The following CCDC30 variants were observed in gnomAD, a reference collection of about 807,000 sequenced individuals.
The protein encoded by CCDC30 is coiled-coil domain containing 30, also known as coiled-coil domain-containing protein 30.
Under a neutral mutation model 100.2 loss-of-function variants are expected in CCDC30, and 70 were observed. That is an observed-to-expected ratio of 0.70 (90% confidence interval 0.58 to 0.85). CCDC30 has a LOEUF of 0.85. Among genes scored for constraint, CCDC30 ranks in the 40% least tolerant of loss-of-function variants. CCDC30 has a pLI of 0.00. For synonymous variants in CCDC30, 233 were observed against 269.5 expected, an observed-to-expected ratio of 0.86 and a Z score of 1.33; for missense variants, 652 against 771.2, an observed-to-expected ratio of 0.85 and a Z score of 1.83.
intron 3 of CCDC30, among the ~76,000 whole-genome samples, chr1:42,488,565 C>A (rs1179586446): frequency 6.6e-6 from 1 of 152,146 alleles, no homozygotes; most frequent in African/African-American, 2.4e-5. Context: ...CATGCCTCAG[C>A]CTCCCAAGTG....
chr1:42,611,659 A>G (rs1646627198), intron 11 of CCDC30, among the ~76,000 whole-genome samples: 1 of 151,988 alleles, frequency 6.6e-6, no homozygotes, highest in Admixed American at 6.6e-5. Flanking sequence ...CATTTTACAT[A>G]TAATGAAACA....
At chr1:42,594,343 TACAAA>T (rs1012189933) in intron 10 of CCDC30, 2 of 152,020 alleles carry the variant, frequency 1.3e-5, no homozygotes, top group Non-Finnish European at 2.9e-5. Context: ...ACCCTGTCTC[TACAAA>T]ACAAAATTTT....
intron 6 of CCDC30, among the ~76,000 whole-genome samples, chr1:42,514,896 A>C (rs1287392646): frequency 6.6e-6 from 1 of 152,108 alleles, no homozygotes; most frequent in East Asian, 1.9e-4. Context: ...CAGGTGATCC[A>C]CACACCTTGG....
intron 10 of CCDC30, chr1:42,595,350 C>A (rs1646265442): frequency 6.6e-6 from 1 of 152,156 alleles, no homozygotes; most frequent in Non-Finnish European, 1.5e-5. Flanking sequence ...AATTCGAGAC[C>A]AGCCTGGCCA....
At chr1:42,632,112 CA>C (rs977186988) in intron 11 of CCDC30, among the ~76,000 whole-genome samples, 15 of 152,334 alleles carry the variant, frequency 9.8e-5, no homozygotes, top group African/African-American at 3.4e-4. Flanking sequence ...CTCAGAGTCT[CA>C]CCCAAGGCCC....
intron 10 of CCDC30, among the ~76,000 whole-genome samples, chr1:42,606,784 C>A (rs1410670689): frequency 6.6e-6 from 1 of 152,134 alleles, no homozygotes; most frequent in Non-Finnish European, 1.5e-5. Flanking sequence ...TATGACATTA[C>A]AATAAAAAGC....
chr1:42,588,231 G>T (rs1254908558), intron 9 of CCDC30, among the ~76,000 whole-genome samples: 158 of 152,290 alleles, frequency 1.0e-3, no homozygotes, highest in African/African-American at 3.6e-3. Context: ...AACTGTAAGT[G>T]TAATTTCTGT....
chr1:42,647,173 C>T (rs1570349813), intron 15 of CCDC30, among the ~76,000 whole-genome samples: 2 of 151,974 alleles, frequency 1.3e-5, no homozygotes, highest in South Asian at 4.2e-4. Flanking sequence ...AGAAATAAAA[C>T]CCAACTATAT....
rs1646297309 is a variant in CCDC30, at chr1:42,596,760, A to G, written c.1164+7277A>G. 6.6e-6 allele frequency among the ~76,000 whole-genome samples: 1 copy of G among 151,858 alleles called. No homozygotes were observed. Among genetic ancestry groups the G allele is most frequent in the Non-Finnish European group, 1.5e-5 (1 of 67,972 alleles). ...AAAAAAACAAACAAACAAACAAACA[A>G]AAACAGTTTGAACAGACAGAGCAAG... On this transcript the variant is annotated intron_variant, in intron 10 of 16. Transcript: ENST00000668663. The surrounding 1 kb of genome is among the most constrained non-coding windows in gnomAD (Gnocchi z 4.3).
intron 10 of CCDC30, among the ~76,000 whole-genome samples, chr1:42,608,269 TAGAG>T (rs749061838): frequency 4.6e-5 from 7 of 152,326 alleles, no homozygotes; most frequent in South Asian, 4.1e-4. Flanking sequence ...AGAACCCCGA[TAGAG>T]AGAGAAGTCT....
intron 11 of CCDC30, among the ~76,000 whole-genome samples, chr1:42,619,979 A>G (rs1241033679): frequency 1.3e-5 from 2 of 152,222 alleles, no homozygotes; most frequent in Non-Finnish European, 1.5e-5. Context: ...TTTAACTAAA[A>G]TTAGCATCTA....
At chr1:42,560,516 C>T (rs574952574) in intron 6 of CCDC30, among the ~76,000 whole-genome samples, 11 of 152,004 alleles carry the variant, frequency 7.2e-5, no homozygotes, top group Non-Finnish European at 1.0e-4. Flanking sequence ...ATTACAGGCA[C>T]GCACCACCAT....
chr1:42,532,049 C>T (rs1338118397), intron 6 of CCDC30, among the ~76,000 whole-genome samples: 5 of 152,032 alleles, frequency 3.3e-5, no homozygotes, highest in South Asian at 2.1e-4. Flanking sequence ...CCTAGCACTT[C>T]GGGAGGCCAA....
At chr1:42,511,428 G>A (rs1479270807) in intron 6 of CCDC30, among the ~76,000 whole-genome samples, 4 of 152,150 alleles carry the variant, frequency 2.6e-5, no homozygotes, top group Non-Finnish European at 5.9e-5. Context: ...CATGGCCCAT[G>A]CTAAAGCGTT....
chr1:42,478,393 T>G (rs1013377496), intron 1 of CCDC30, among the ~76,000 whole-genome samples: 1 of 152,202 alleles, frequency 6.6e-6, no homozygotes, highest in Admixed American at 6.5e-5. Flanking sequence ...GGTGAAATCT[T>G]GGATGACTCT....
chr1:42,568,738 T>C (rs965861987), intron 7 of CCDC30, among the ~76,000 whole-genome samples: 1 of 148,800 alleles, frequency 6.7e-6, no homozygotes, highest in Non-Finnish European at 1.5e-5. Flanking sequence ...GAGACCAGCC[T>C]GGCTAACATG....
intron 3 of CCDC30, among the ~76,000 whole-genome samples, chr1:42,489,024 G>GT (rs922488732): frequency 1.0e-3 from 137 of 132,320 alleles, no homozygotes; most frequent in African/African-American, 3.8e-3. Flanking sequence ...CCTTTGTTCT[G>GT]TCCTACCTCC....
In CCDC30 at chr1:42,469,166, C is replaced by T. The variant is rs189078541; in HGVS notation, c.-92+5268C>T. Among the ~76,000 whole-genome samples the T allele has an allele frequency of 9.4e-4, 143 of 152,198 alleles. 3 individuals carry two copies. The highest frequency in any genetic ancestry group is 3.4e-3 in the African/African-American group (140 of 41,528). ...GGCTGAAATGGGAGGATCACTTGAG[C>T]CCCGGTGTTCAATTCCAGCCTGGGC... is the stretch of plus-strand genomic sequence containing the variant. On this transcript the variant is annotated intron_variant, in intron 1 of 16. Coordinates refer to ENST00000668663, the Ensembl canonical transcript of CCDC30.
chr1:42,460,186 A>C, upstream of CCDC30: 1 of 1,164,770 alleles, frequency 8.6e-7, no homozygotes, highest in Non-Finnish European at 1.1e-6. Flanking sequence ...CTTAAAATAT[A>C]CATGGGGGCC....
Sources: allele counts gnomAD v4.1 joint callset (sites outside exome capture counted in the v4.1 genomes callset), GRCh38; gene constraint gnomAD v4.1.1; non-coding constraint Gnocchi (gnomAD v3.1); transcripts MANE v1.5; gene names NCBI Gene and HGNC (gene_info 2026-07-23, HGNC 2026-07-21).